CNTN5: variants seen among roughly 807,000 people sequenced by gnomAD.
The protein encoded by CNTN5 is contactin 5.
In CNTN5, 77 loss-of-function variants were observed where a neutral mutation model predicts 129.1. That is an observed-to-expected ratio of 0.60 (90% CI 0.50 to 0.72). The LOEUF (loss-of-function observed/expected upper bound fraction) is 0.72, where lower values mean the gene tolerates loss of function less well. Ranked by LOEUF, CNTN5 falls within the 30% of genes least tolerant of loss-of-function variation. CNTN5 has a pLI of 0.00. For missense variants in CNTN5, 1,478 were observed against 1,328.8 expected (o/e 1.11, Z -1.75); for synonymous variants, 509 against 465.6 (o/e 1.09, Z -1.20).
At chr11:100,159,211 A>AAAGTT (rs1178929332) in intron 13 of CNTN5, among the ~76,000 whole-genome samples, 3 of 151,992 alleles carry the variant, frequency 2.0e-5, no homozygotes, top group Admixed American at 6.6e-5. Context: ...GTGAAAAAAA[A>AAAGTT]AAGTTAAAAT....
At chr11:99,837,698 A>C (rs541981173) in intron 4 of CNTN5, among the ~76,000 whole-genome samples, 47 of 151,910 alleles carry the variant, frequency 3.1e-4, no homozygotes, top group Admixed American at 3.3e-4. Flanking sequence ...AAAAAAAAAA[A>C]AAAAAACCTA....
At chr11:99,849,053 G>A (rs146032867) in intron 6 of CNTN5, among the ~76,000 whole-genome samples, 13 of 152,044 alleles carry the variant, frequency 8.6e-5, no homozygotes, top group South Asian at 6.2e-4. Context: ...TTTAATAAAC[G>A]TAGGATGGGG....
At chr11:99,588,016 T>C (rs944564207) in intron 3 of CNTN5, among the ~76,000 whole-genome samples, 6 of 152,206 alleles carry the variant, frequency 3.9e-5, no homozygotes, top group Non-Finnish European at 8.8e-5. Context: ...CTAAGACTGC[T>C]ATACCTTCTC....
rs1005750487 is a variant in CNTN5 at position 99,901,982 on chromosome 11, G to A, written c.578-14072G>A. Among the ~76,000 whole-genome samples the A allele has an allele frequency of 2.0e-5, 3 of 152,102 alleles. No homozygotes were observed. In the South Asian group the frequency reaches 6.2e-4, roughly 32 times the overall value. ...CTGTTACACAAGTAAGGAAATTGAG[G>A]TTTATCTAAGGTTACATGGTTAATA... On this transcript the variant is annotated intron_variant, in intron 6 of 24. Coordinates refer to ENST00000524871, the MANE Select transcript of CNTN5 (RefSeq NM_014361.4).
At chr11:99,220,720 G>A (rs992785981) in intron 1 of CNTN5, among the ~76,000 whole-genome samples, 3 of 151,980 alleles carry the variant, frequency 2.0e-5, no homozygotes, top group East Asian at 3.9e-4. Context: ...AAATCAAAAG[G>A]TCTGACTAGG....
At chr11:99,390,033 G>C (rs1248761911) in intron 2 of CNTN5, among the ~76,000 whole-genome samples, 1 of 152,002 alleles carries the variant, frequency 6.6e-6, no homozygotes, top group Non-Finnish European at 1.5e-5. Context: ...CTAATGCATA[G>C]CACAATGCCT....
intron 1 of CNTN5, among the ~76,000 whole-genome samples, chr11:99,321,243 A>G (rs1341721703): frequency 1.3e-5 from 2 of 151,708 alleles, no homozygotes; most frequent in South Asian, 2.1e-4. Context: ...CATACAACAC[A>G]CAGACAGACA....
At chr11:99,081,877 C>T (rs191069555) in intron 1 of CNTN5, among the ~76,000 whole-genome samples, 27 of 152,042 alleles carry the variant, frequency 1.8e-4, no homozygotes, top group East Asian at 1.2e-3. Context: ...TAGATGTCCC[C>T]GTTTTAGAGC....
At chr11:99,870,201 G>A (rs940482804) in intron 6 of CNTN5, among the ~76,000 whole-genome samples, 10 of 152,162 alleles carry the variant, frequency 6.6e-5, no homozygotes, top group East Asian at 1.9e-4. Flanking sequence ...GAAGAAAGAC[G>A]TGATTTTTTT....
intron 1 of CNTN5, among the ~76,000 whole-genome samples, chr11:99,312,224 C>T (rs1338955441): frequency 6.6e-6 from 1 of 152,136 alleles, no homozygotes; most frequent in East Asian, 1.9e-4. Flanking sequence ...TCATTTGCCT[C>T]CTCAAATATT....
Position 99,112,900 on chromosome 11 carries a change from T to A in CNTN5, c.-210+91630T>A, listed in dbSNP as rs565638274. On this transcript the variant is annotated intron_variant, in intron 1 of 24. Coordinates refer to ENST00000524871, the MANE Select transcript of CNTN5 (RefSeq NM_014361.4). Reference sequence around the variant, plus strand: ...ACTATCCCCCTTTTTTTAAAAAAAATTATCTCCCTTTTTAATTTGAATAGG... The same window carrying A: ...ACTATCCCCCTTTTTTTAAAAAAAAATATCTCCCTTTTTAATTTGAATAGG... 6.6e-5 allele frequency among the ~76,000 whole-genome samples: 10 copies of A among 152,098 alleles called. No individual in the cohort carries two copies. The South Asian group carries it at 1.0e-3, about 16-fold the overall frequency.
chr11:99,042,503 G>A (rs931577725), intron 1 of CNTN5, among the ~76,000 whole-genome samples: 1 of 150,398 alleles, frequency 6.6e-6, no homozygotes, highest in Non-Finnish European at 1.5e-5. Flanking sequence ...AGCCTCCCGA[G>A]TAGCTGGGAC....
rs1432317071 is a variant in CNTN5, at chr11:100,191,131, C to A, written c.1586C>A (p.Ala529Asp). The A allele has an allele frequency of 6.3e-7, 1 of 1,586,074 alleles. No homozygotes were observed. Among genetic ancestry groups the A allele is most frequent in the Admixed American group, 1.8e-5 (1 of 54,660 alleles). Residue 529 changes from alanine (A) to aspartate (D), a missense_variant, in exon 14 of 25, where the codon GCT becomes GAT. Coordinates refer to ENST00000524871, the MANE Select transcript of CNTN5 (RefSeq NM_014361.4). ...DRAVRENKRI[A>D]ILPDGSLRIL... The stretch of plus-strand genomic sequence containing the variant: ...TGTTTTTAAATAATTTTCAGAATAG[C>A]TATTCTTCCAGACGGGAGTCTACGG...
At position 99,166,542 on chromosome 11, in the gene CNTN5, A is replaced by T. The variant is rs1218005568; in HGVS notation, c.-210+145272A>T. 2.6e-5 allele frequency among the ~76,000 whole-genome samples: 4 copies of T among 152,174 alleles called. No individual in the cohort carries two copies. The East Asian group carries it at 7.7e-4, about 29-fold the overall frequency. ...CAAAAAAATTGTGTACTAAATGTATACTAGAGGGAGTAAAAGACAACCTGA... is the reference window on the plus strand; with the variant it reads ...CAAAAAAATTGTGTACTAAATGTATTCTAGAGGGAGTAAAAGACAACCTGA... On this transcript the variant is annotated intron_variant, in intron 1 of 24. Coordinates refer to ENST00000524871, the MANE Select transcript of CNTN5 (RefSeq NM_014361.4).
At chr11:99,591,480 G>A (rs1051168227) in intron 3 of CNTN5, among the ~76,000 whole-genome samples, 1 of 151,638 alleles carries the variant, frequency 6.6e-6, no homozygotes, top group African/African-American at 2.4e-5. Context: ...TGAGACTACA[G>A]GCGCGTGCCA....
intron 2 of CNTN5, among the ~76,000 whole-genome samples, chr11:99,525,218 A>C (rs1947440810): frequency 6.6e-6 from 1 of 152,182 alleles, no homozygotes. Flanking sequence ...ATCAAAACTA[A>C]AGTCAGGACA....
intron 1 of CNTN5, among the ~76,000 whole-genome samples, chr11:99,095,456 T>C (rs77927450): frequency 0.021 from 3,233 of 152,058 alleles, 131 homozygotes; most frequent in African/African-American, 0.074. Context: ...TATATACTTA[T>C]ATGGAAGTTA....
intron 18 of CNTN5, among the ~76,000 whole-genome samples, chr11:100,275,968 A>G (rs1950501571): frequency 6.6e-6 from 1 of 152,226 alleles, no homozygotes; most frequent in South Asian, 2.1e-4. Flanking sequence ...CTCTGCCTCT[A>G]TTAAGTACAT....
At chr11:99,147,351 A>T (rs1374314987) in intron 1 of CNTN5, among the ~76,000 whole-genome samples, 2 of 152,226 alleles carry the variant, frequency 1.3e-5, no homozygotes, top group East Asian at 3.8e-4. Flanking sequence ...AATGTTAATT[A>T]TAATGGAATA....
Sources: gnomAD v4.1 joint callset for allele counts (sites outside exome capture counted in the v4.1 genomes callset) on GRCh38, gnomAD v4.1.1 for gene constraint, MANE v1.5 for transcripts, NCBI Gene and HGNC (gene_info 2026-07-23, HGNC 2026-07-21) for gene names.